The following PRPF38A variants were observed in gnomAD, a reference collection of about 807,000 sequenced individuals.
The protein encoded by PRPF38A is pre-mRNA-splicing factor 38A.
In PRPF38A, 11 loss-of-function variants were observed where a neutral mutation model predicts 46.8. The observed-to-expected ratio is 0.24, with a 90% CI of 0.15 to 0.39. The LOEUF is 0.39. PRPF38A is among the 10% of genes least tolerant of loss of function. The pLI, the probability that PRPF38A is intolerant of heterozygous loss-of-function variation, is 1.00. For synonymous variants in PRPF38A, 124 were observed against 136.2 expected, an observed-to-expected ratio of 0.91 and a Z score of 0.62; for missense variants, 261 against 407.5, an observed-to-expected ratio of 0.64 and a Z score of 3.10.
At chr1:52,413,054 A>G (rs1329725171) in intron 5 of PRPF38A, among the ~76,000 whole-genome samples, 1 of 152,158 alleles carries the variant, frequency 6.6e-6, no homozygotes, top group Non-Finnish European at 1.5e-5. Flanking sequence ...TATTAAAAGC[A>G]CCTCAGCTCT....
chr1:52,411,589 TAACTTCATGAACGTTTTTTTTA>T (rs1359900346), intron 4 of PRPF38A, among the ~76,000 whole-genome samples: 1 of 152,178 alleles, frequency 6.6e-6, no homozygotes, highest in African/African-American at 2.4e-5. Flanking sequence ...AGGGAGTTTT[TAACTTCATGAACGTTTTTTTTA>T]AACTAATCTT....
rs558324677 is a variant in PRPF38A at position 52,404,653 on chromosome 1, C to T, written c.-97C>T. Reference sequence around the variant, plus strand: ...TGGTCGCCTAAGCTGTTTAGTGAAACTTCTTCCACCTTTCTCCATTCCTCT... The same window carrying T: ...TGGTCGCCTAAGCTGTTTAGTGAAATTTCTTCCACCTTTCTCCATTCCTCT... On this transcript the variant is annotated 5_prime_UTR_variant, in exon 1 of 10. Transcript: ENST00000257181. 106 of 1,403,822 alleles carry T rather than the reference C, an allele frequency of 7.6e-5. No homozygotes were observed. In the African/African-American group the frequency reaches 1.5e-3, roughly 19 times the overall value. The allele number at this position is 1,403,822 out of a possible 1,614,324, so 87.0% of individuals were successfully genotyped here.
At chr1:52,410,322 T>C (rs909676245) in intron 3 of PRPF38A, among the ~76,000 whole-genome samples, 7 of 149,454 alleles carry the variant, frequency 4.7e-5, no homozygotes, top group Admixed American at 1.3e-4. Flanking sequence ...TTTTTCTAAC[T>C]CTAGCCAAAA....
chr1:52,414,242 G>C (rs1321566760), intron 6 of PRPF38A, among the ~76,000 whole-genome samples: 2 of 152,176 alleles, frequency 1.3e-5, no homozygotes, highest in African/African-American at 2.4e-5. Flanking sequence ...CTGTTCTGTT[G>C]TCGGCTGTCT....
chr1:52,411,274 AG>A (rs1648143057), intron 4 of PRPF38A, 74 bp downstream of exon 4: 1 of 1,034,420 alleles, frequency 9.7e-7, no homozygotes, highest in African/African-American at 1.6e-5. Context: ...ACATACACAC[AG>A]CTTAAACACT....
Position 52,405,771 on chromosome 1 carries a change from C to T in PRPF38A, c.222C>T (p.Thr74=). 6.2e-7 allele frequency: 1 copy of T among 1,614,048 alleles called. No homozygotes were observed. Among genetic ancestry groups the T allele is most frequent in the Non-Finnish European group, 8.5e-7 (1 of 1,179,944 alleles). The change falls in exon 2 of 10, where the codon ACC becomes ACT. Residue 74 remains threonine (T), a synonymous_variant. Transcript: ENST00000257181. The part of the protein sequence containing the change: ...NIKPTPFLCL[T]LKMLQIQPEK... ...AACCAACACCCTTTCTGTGTTTAAC[C>T]TTGAAGATGCTTCAAATTCAACCCG... is the stretch of plus-strand genomic sequence containing the variant.
At chr1:52,414,935 C>A in intron 8 of PRPF38A, 76 bp downstream of exon 8, 1 of 1,348,390 alleles carries the variant, frequency 7.4e-7, no homozygotes, top group Non-Finnish European at 1.1e-6. Flanking sequence ...TCCTGCAGTA[C>A]AGGAGTGCCT....
chr1:52,405,186 ACAATCT>A (rs1349145339), intron 1 of PRPF38A, among the ~76,000 whole-genome samples: 1 of 152,236 alleles, frequency 6.6e-6, no homozygotes, highest in African/African-American at 2.4e-5. Flanking sequence ...ACACTTTGAC[ACAATCT>A]GTTGAAGGTC....
chr1:52,411,062 G>T, intron 3 of PRPF38A, 53 bp from the exon 4 acceptor site: 2 of 1,311,714 alleles, frequency 1.5e-6, no homozygotes, highest in Non-Finnish European at 2.2e-6. Flanking sequence ...TTACTTTTTG[G>T]CATCTAAATC....
chr1:52,411,761 GA>G (rs142523385), intron 4 of PRPF38A, among the ~76,000 whole-genome samples: 7,110 of 152,248 alleles, frequency 0.047, 182 homozygotes, highest in South Asian at 0.082. Context: ...ATCTTTTCAG[GA>G]AATGAGTGTG....
intron 3 of PRPF38A, chr1:52,409,386 A>G (rs1410655368): frequency 6.6e-6 from 1 of 152,352 alleles, no homozygotes; most frequent in Non-Finnish European, 1.5e-5. Context: ...CAACATGGGC[A>G]GATCACTTGA....
rs12038084 is a variant in PRPF38A at position 52,415,679 on chromosome 1, C to T, written c.896+293C>T. 3.8e-3 allele frequency among the ~76,000 whole-genome samples: 572 copies of T among 151,770 alleles called. 22 individuals are homozygous for T. In the East Asian group the frequency reaches 0.1, roughly 27 times the overall value. On this transcript the variant is annotated intron_variant, in intron 9 of 9. Coordinates refer to ENST00000257181, the MANE Select transcript of PRPF38A (RefSeq NM_032864.4). ...ATACCTGTTTTGCTTTACAGGATTG[C>T]AGCTTTGGACAATGGATGAGCTTTG...
intron 3 of PRPF38A, 88 bp downstream of exon 3, chr1:52,408,778 T>C (rs1648069685): frequency 1.4e-6 from 2 of 1,444,632 alleles, no homozygotes; most frequent in South Asian, 1.3e-5. Flanking sequence ...TCATAGACAG[T>C]GTGAATGCTC....
chr1:52,407,434 A>G (rs1648029148), intron 2 of PRPF38A, among the ~76,000 whole-genome samples: 1 of 152,118 alleles, frequency 6.6e-6, no homozygotes, highest in Non-Finnish European at 1.5e-5. Context: ...ATACCAAGCC[A>G]TAAATTAGGT....
intron 4 of PRPF38A, 78 bp downstream of exon 4, chr1:52,411,278 T>A: frequency 1.0e-6 from 1 of 998,548 alleles, no homozygotes; most frequent in Non-Finnish European, 1.6e-6. Context: ...ACACACAGCT[T>A]AAACACTGAA....
Position 52,416,979 on chromosome 1 carries a change from T to C in PRPF38A, c.*289T>C, listed in dbSNP as rs1427977367. The C allele has an allele frequency of 5.2e-6, 2 of 386,610 alleles. No homozygotes were observed. 23.9% of individuals were successfully genotyped at this position (386,610 alleles called of 1,614,324 possible). On this transcript the variant is annotated 3_prime_UTR_variant, in exon 10 of 10. Coordinates refer to ENST00000257181, the MANE Select transcript of PRPF38A (RefSeq NM_032864.4). ...ACAAGGAAAGGCTGTGGCCACCTGA[T>C]GACCCTTTCCCTTTTTATTAAACCG...
At chr1:52,415,922 A>G (rs1253217311) in intron 9 of PRPF38A, among the ~76,000 whole-genome samples, 2 of 143,790 alleles carry the variant, frequency 1.4e-5, no homozygotes, top group African/African-American at 5.3e-5. Flanking sequence ...GGCTCACTGC[A>G]AGCTCCACCT....
chr1:52,418,087 G>A lies in PRPF38A; in HGVS notation c.*1397G>A, dbSNP rs572829907. 8.5e-5 allele frequency: 13 copies of A among 152,762 alleles called. No individual in the cohort carries two copies. In the East Asian group the frequency reaches 2.5e-3, roughly 29 times the overall value. The allele number at this position is 152,762 out of a possible 1,614,324, so 9.5% of individuals were successfully genotyped here. A position where few individuals can be genotyped will look rare whatever the true frequency, so the allele number is the denominator to read the frequency against. On this transcript the variant is annotated 3_prime_UTR_variant, in exon 10 of 10. Transcript: ENST00000257181. ...TGCAGGATCCAGTTTTTCTTGGGAG[G>A]TTGTATCTGGTCATAAGGTAAACAT...
Position 52,415,832 on chromosome 1 carries a change from CTTTTTTTTTTTTT to C in PRPF38A, c.896+462_896+474del, listed in dbSNP as rs71041898. Reference sequence around the variant, plus strand: ...TGTGCCATATACCGTTGGGTGCACTCTTTTTTTTTTTTTTTTTTTTTTTTTTTTGAGACGGAGT... The same window carrying C: ...TGTGCCATATACCGTTGGGTGCACTCTTTTTTTTTTTTTTTGAGACGGAGT... On this transcript the variant is annotated intron_variant, in intron 9 of 9. Transcript: ENST00000257181. Among the ~76,000 whole-genome samples, 14 of 51,574 alleles carry C rather than the reference CTTTTTTTTTTTTT, an allele frequency of 2.7e-4. No individual in the cohort carries two copies. In the Admixed American group the frequency reaches 3.4e-3, roughly 13 times the overall value. 33.8% of individuals were successfully genotyped at this position (51,574 alleles called of 152,430 possible).
Sources: allele counts gnomAD v4.1 joint callset (sites outside exome capture counted in the v4.1 genomes callset), GRCh38; gene constraint gnomAD v4.1.1; transcripts MANE v1.5; gene names NCBI Gene and HGNC (gene_info 2026-07-23, HGNC 2026-07-21).